The following MAN2A1 variants were observed in gnomAD, a reference collection of about 807,000 sequenced individuals.
MAN2A1 encodes the protein mannosidase alpha class 2A member 1, also known as alpha-mannosidase 2.
In MAN2A1, 76 loss-of-function variants were observed where a neutral mutation model predicts 142.6. The ratio of observed to expected loss-of-function variants is 0.53; its 90% CI spans 0.44 to 0.65. The LOEUF is 0.65. Ranked by LOEUF, MAN2A1 falls within the 30% of genes least tolerant of loss-of-function variation. The pLI is 0.00. For missense variants in MAN2A1, 1,311 were observed against 1,365.1 expected, an observed-to-expected ratio of 0.96 and a Z score of 0.62; for synonymous variants, 559 against 473.2, an observed-to-expected ratio of 1.18 and a Z score of -2.35.
rs1257306916 is a variant in MAN2A1 at position 109,867,055 on chromosome 5, A to G, written c.*57A>G. On this transcript the variant is annotated 3_prime_UTR_variant, in exon 22 of 22. Coordinates refer to ENST00000261483, the MANE Select transcript of MAN2A1 (RefSeq NM_002372.4). Reference sequence around the variant, plus strand: ...TGGCTTTTATACCTTTCTTGGTTTGACGTGCAATAAAGAAGCACATTATTT... The same window carrying G: ...TGGCTTTTATACCTTTCTTGGTTTGGCGTGCAATAAAGAAGCACATTATTT... 2 of 1,420,462 alleles carry G rather than the reference A, an allele frequency of 1.4e-6. No homozygotes were observed. Among genetic ancestry groups the G allele is most frequent in the East Asian group, 4.9e-5 (2 of 40,756 alleles). 88.0% of individuals were successfully genotyped at this position (1,420,462 alleles called of 1,614,324 possible).
intron 12 of MAN2A1, among the ~76,000 whole-genome samples, chr5:109,795,538 G>C: frequency 6.6e-6 from 1 of 152,180 alleles, no homozygotes; most frequent in East Asian, 1.9e-4. Context: ...TTGACAGTCA[G>C]TGTATTATCA....
chr5:109,814,693 G>A (rs1036677573), intron 12 of MAN2A1, among the ~76,000 whole-genome samples: 3 of 152,076 alleles, frequency 2.0e-5, no homozygotes, highest in African/African-American at 7.2e-5. Context: ...AAACAAAATA[G>A]AACCTAGTTC....
chr5:109,754,639 C>T lies in MAN2A1; in HGVS notation c.708-690C>T, dbSNP rs572504904. Among the ~76,000 whole-genome samples, 18 of 152,286 alleles carry T rather than the reference C, an allele frequency of 1.2e-4. 1 individual carries two copies. The highest frequency in any genetic ancestry group is 3.9e-4 in the African/African-American group (16 of 41,550). Reference sequence around the variant, plus strand: ...TAATGTGCTTAAAGTGACAGCCCTCCAATAAACACTCATCAAGCATATAGT... The same window carrying T: ...TAATGTGCTTAAAGTGACAGCCCTCTAATAAACACTCATCAAGCATATAGT... On this transcript the variant is annotated intron_variant, in intron 4 of 21. Coordinates refer to ENST00000261483, the MANE Select transcript of MAN2A1 (RefSeq NM_002372.4).
At chr5:109,816,799 A>C (rs1028538513) in intron 12 of MAN2A1, among the ~76,000 whole-genome samples, 7 of 152,214 alleles carry the variant, frequency 4.6e-5, no homozygotes, top group Non-Finnish European at 7.3e-5. Flanking sequence ...GCTTTATTAC[A>C]CATCTATGAA....
intron 12 of MAN2A1, among the ~76,000 whole-genome samples, chr5:109,805,756 A>G (rs955854419): frequency 6.6e-6 from 1 of 152,208 alleles, no homozygotes; most frequent in African/African-American, 2.4e-5. Context: ...TTTCTTGTCT[A>G]AGTATTAATC....
chr5:109,837,014 A>G (rs933821112), intron 16 of MAN2A1, among the ~76,000 whole-genome samples: 1 of 150,960 alleles, frequency 6.6e-6, no homozygotes, highest in Non-Finnish European at 1.5e-5. Context: ...CATTTGTGAC[A>G]CAGCATTCCA....
chr5:109,863,553 T>G (rs1157033428), intron 20 of MAN2A1: 6 of 152,192 alleles, frequency 3.9e-5, no homozygotes, highest in South Asian at 2.1e-4. Flanking sequence ...ACTTACATAG[T>G]ATTTTCAACA....
intron 3 of MAN2A1, among the ~76,000 whole-genome samples, chr5:109,727,053 A>G (rs1751764970): frequency 6.6e-6 from 1 of 152,310 alleles, no homozygotes; most frequent in Non-Finnish European, 1.5e-5. Context: ...GTAGGTAGAT[A>G]TAGTATATTC....
chr5:109,748,747 G>A (rs1373110867), intron 4 of MAN2A1, among the ~76,000 whole-genome samples: 3 of 151,940 alleles, frequency 2.0e-5, no homozygotes, highest in African/African-American at 7.3e-5. Flanking sequence ...TGAAAGAAGG[G>A]CATGTGGCTG....
intron 12 of MAN2A1, among the ~76,000 whole-genome samples, chr5:109,807,728 T>C (rs761191351): frequency 7.2e-5 from 11 of 152,182 alleles, no homozygotes; most frequent in Non-Finnish European, 1.3e-4. Flanking sequence ...GCAAAGTCTT[T>C]TCTGCCATAT....
At chr5:109,794,438 A>C (rs1209585817) in intron 12 of MAN2A1, among the ~76,000 whole-genome samples, 3 of 152,184 alleles carry the variant, frequency 2.0e-5, no homozygotes. Flanking sequence ...TAACAGAAAA[A>C]TGAGTGTAAA....
intron 3 of MAN2A1, among the ~76,000 whole-genome samples, chr5:109,723,695 A>G (rs1039841466): frequency 1.3e-5 from 2 of 152,174 alleles, no homozygotes; most frequent in Non-Finnish European, 2.9e-5. Flanking sequence ...GAAGGTTTTC[A>G]ATAATCTGTC....
chr5:109,774,758 G>A (rs778843451), intron 7 of MAN2A1, 30 bp from the exon 8 acceptor site: 45 of 1,542,588 alleles, frequency 2.9e-5, no homozygotes, highest in Non-Finnish European at 3.7e-5. Context: ...ATTCATATTT[G>A]CTGTTTTTTT....
At position 109,729,380 on chromosome 5, in the gene MAN2A1, A is replaced by G. The variant is rs1751835314; in HGVS notation, c.574A>G (p.Thr192Ala). 1 of 1,605,630 alleles carries G rather than the reference A, an allele frequency of 6.2e-7. No homozygotes were observed. Among genetic ancestry groups the G allele is most frequent in the Non-Finnish European group, 8.5e-7 (1 of 1,176,844 alleles). The change falls in exon 4 of 22, where the codon ACT becomes GCT. Residue 192 changes from threonine (T) to alanine (A), a missense_variant. Thr to Ala is a moderately conservative substitution (Grantham distance 58). Transcript: ENST00000261483. ...KTFNDYFRDK[T>A]QYIFNNMVLK... is the part of the protein sequence containing the mutation. The stretch of plus-strand genomic sequence containing the variant: ...TTTCAATGACTACTTTAGAGACAAG[A>G]CTCAGTATATTTTTAATAACATGGT...
chr5:109,860,459 T>G (rs1755727010), intron 20 of MAN2A1, among the ~76,000 whole-genome samples: 1 of 152,118 alleles, frequency 6.6e-6, no homozygotes. Flanking sequence ...TTGGAGAAAT[T>G]TTCCCACCAG....
At chr5:109,807,306 A>G (rs1202522355) in intron 12 of MAN2A1, among the ~76,000 whole-genome samples, 2 of 152,114 alleles carry the variant, frequency 1.3e-5, no homozygotes, top group Non-Finnish European at 2.9e-5. Flanking sequence ...GTTAGTCCTC[A>G]TTTTCAACAG....
intron 4 of MAN2A1, among the ~76,000 whole-genome samples, chr5:109,741,817 GT>G (rs1009145264): frequency 4.6e-5 from 7 of 152,100 alleles, no homozygotes; most frequent in Admixed American, 2.0e-4. Context: ...TATATTTTCT[GT>G]TTTTTTGTGT....
chr5:109,810,488 C>T (rs1330526405), intron 12 of MAN2A1, among the ~76,000 whole-genome samples: 3 of 152,176 alleles, frequency 2.0e-5, no homozygotes, highest in Non-Finnish European at 2.9e-5. Context: ...CTCTACTTTT[C>T]AGAAGCTTTC....
chr5:109,821,414 T>C (rs1754619512), intron 15 of MAN2A1, among the ~76,000 whole-genome samples: 2 of 152,214 alleles, frequency 1.3e-5, no homozygotes, highest in South Asian at 4.1e-4. Flanking sequence ...AATGCAATTC[T>C]GATTAATTGC....
Sources: allele counts gnomAD v4.1 joint callset (sites outside exome capture counted in the v4.1 genomes callset), GRCh38; gene constraint gnomAD v4.1.1; transcripts MANE v1.5; gene names NCBI Gene and HGNC (gene_info 2026-07-23, HGNC 2026-07-21).